Variants in ARHGAP10 observed in about 807,000 individuals in gnomAD.
ARHGAP10 encodes rho GTPase-activating protein 10.
Under a neutral mutation model 108.6 loss-of-function variants are expected in ARHGAP10, and 87 were observed. The ratio of observed to expected loss-of-function variants is 0.80; its 90% CI spans 0.67 to 0.96. The LOEUF is 0.96. ARHGAP10 is among the 40% of genes least tolerant of loss of function. The pLI, the probability that ARHGAP10 is intolerant of heterozygous loss-of-function variation, is 0.00. For missense variants in ARHGAP10, 939 were observed against 954.5 expected, an observed-to-expected ratio of 0.98 and a Z score of 0.21; for synonymous variants, 347 against 341.1, an observed-to-expected ratio of 1.02 and a Z score of -0.19.
At chr4:147,784,664 T>TTATAA (rs1237197091) in intron 1 of ARHGAP10, among the ~76,000 whole-genome samples, 30 of 752 alleles carry the variant, frequency 0.04, no homozygotes, top group African/African-American at 0.043. Context: ...TTATAAAATA[T>TTATAA]ATATTATATA....
At chr4:147,745,787 G>A (rs557701185) in intron 1 of ARHGAP10, among the ~76,000 whole-genome samples, 38 of 91,214 alleles carry the variant, frequency 4.2e-4, no homozygotes, top group Non-Finnish European at 8.2e-4. Context: ...CACTGTGCCC[G>A]GCCTTTTTTT....
chr4:147,851,172 G>A lies in ARHGAP10; in HGVS notation c.384+3950G>A, dbSNP rs567723970. 2.2e-4 allele frequency among the ~76,000 whole-genome samples: 33 copies of A among 152,108 alleles called. 1 individual carries two copies. The South Asian group carries it at 6.9e-3, about 32-fold the overall frequency. On this transcript the variant is annotated intron_variant, in intron 4 of 22. Coordinates refer to ENST00000336498, the MANE Select transcript of ARHGAP10 (RefSeq NM_024605.4). ...ATTTTAGGCAGAAAACTTAATAGAT[G>A]TTCATTTCACAAATTATGACTTATC...
At chr4:147,998,628 G>A (rs1361941255) in intron 18 of ARHGAP10, among the ~76,000 whole-genome samples, 1 of 152,212 alleles carries the variant, frequency 6.6e-6, no homozygotes, top group Admixed American at 6.5e-5. Flanking sequence ...AGTTTAGGTC[G>A]TTTTCATCCC....
At chr4:147,882,475 A>AAT (rs1735365288) in intron 10 of ARHGAP10, among the ~76,000 whole-genome samples, 1 of 151,024 alleles carries the variant, frequency 6.6e-6, no homozygotes, top group Non-Finnish European at 1.5e-5. Flanking sequence ...AAAAAAAAAA[A>AAT]ATTGCCTTGG....
intron 20 of ARHGAP10, 96 bp downstream of exon 20, chr4:148,047,147 C>A: frequency 7.0e-7 from 1 of 1,435,846 alleles, no homozygotes; most frequent in Admixed American, 2.2e-5. Context: ...GGTGCTGAAG[C>A]CATTAGATCT....
intron 1 of ARHGAP10, among the ~76,000 whole-genome samples, chr4:147,766,327 C>A (rs960409033): frequency 4.6e-5 from 7 of 151,244 alleles, no homozygotes; most frequent in African/African-American, 1.7e-4. Context: ...TATAACCCAC[C>A]CATGTCCTCC....
chr4:147,918,858 T>C (rs1737104555), intron 13 of ARHGAP10, among the ~76,000 whole-genome samples: 1 of 152,254 alleles, frequency 6.6e-6, no homozygotes, highest in Non-Finnish European at 1.5e-5. Flanking sequence ...GGACACACGT[T>C]GTGCCTGGCA....
intron 19 of ARHGAP10, among the ~76,000 whole-genome samples, chr4:148,024,440 C>G (rs1217899505): frequency 6.6e-6 from 1 of 152,122 alleles, no homozygotes; most frequent in African/African-American, 2.4e-5. Flanking sequence ...CATGCACACA[C>G]CAGGTGGTTA....
At chr4:147,841,968 T>C (rs1733432756) in intron 3 of ARHGAP10, among the ~76,000 whole-genome samples, 1 of 152,208 alleles carries the variant, frequency 6.6e-6, no homozygotes, top group Non-Finnish European at 1.5e-5. Flanking sequence ...AGTCTTGCTC[T>C]GTCACCCATG....
chr4:147,923,630 A>C (rs1737336804), intron 13 of ARHGAP10, among the ~76,000 whole-genome samples: 9 of 152,240 alleles, frequency 5.9e-5, no homozygotes, highest in Admixed American at 5.9e-4. Flanking sequence ...CATGGGATAG[A>C]AGTAGGAAGC....
At chr4:148,037,016 G>A (rs1728406754) in intron 19 of ARHGAP10, among the ~76,000 whole-genome samples, 1 of 152,188 alleles carries the variant, frequency 6.6e-6, no homozygotes. Flanking sequence ...CCAGCTAGGT[G>A]AGATAGGTGG....
rs1339613283 is a variant in ARHGAP10, at chr4:148,034,245, A to T, written c.1867+10832A>T. On this transcript the variant is annotated intron_variant, in intron 19 of 22. Transcript: ENST00000336498. ...TATGCTTTCAAATAAAATGTAATTT[A>T]GTCTTTTATTTCTGGTTATTTTTGT... is the stretch of plus-strand genomic sequence containing the variant. Among the ~76,000 whole-genome samples, 5 of 152,344 alleles carry T rather than the reference A, an allele frequency of 3.3e-5. No homozygotes were observed. In the East Asian group the frequency reaches 9.6e-4, roughly 29 times the overall value.
intron 1 of ARHGAP10, among the ~76,000 whole-genome samples, chr4:147,748,031 A>G (rs187918892): frequency 1.1e-3 from 163 of 152,318 alleles, no homozygotes; most frequent in African/African-American, 3.7e-3. Flanking sequence ...CAGCTCCCCT[A>G]CAATGAAGAA....
chr4:148,015,741 C>A (rs1294646651), intron 18 of ARHGAP10, among the ~76,000 whole-genome samples: 1 of 152,186 alleles, frequency 6.6e-6, no homozygotes, highest in East Asian at 1.9e-4. Flanking sequence ...CCAAGGTGAT[C>A]AGGGTTTGCT....
chr4:147,953,356 T>C (rs1738679045), intron 15 of ARHGAP10, among the ~76,000 whole-genome samples: 1 of 151,990 alleles, frequency 6.6e-6, no homozygotes, highest in Admixed American at 6.6e-5. Flanking sequence ...TTTTCTTTCT[T>C]AATTGTTTGG....
chr4:147,939,913 C>T lies in ARHGAP10; in HGVS notation c.1303+14C>T, dbSNP rs768044538. The T allele has an allele frequency of 6.2e-7, 1 of 1,605,238 alleles. No homozygotes were observed. The highest frequency in any genetic ancestry group is 8.5e-7 in the Non-Finnish European group (1 of 1,173,070). On this transcript the variant is annotated intron_variant, in intron 14 of 22. Coordinates refer to ENST00000336498, the MANE Select transcript of ARHGAP10 (RefSeq NM_024605.4). ...GTATGTTGATGGGTATGCCTCTTTT[C>T]TAATCATTTTTCCATGTGTTATTTG...
intron 13 of ARHGAP10, among the ~76,000 whole-genome samples, chr4:147,933,946 G>C (rs555781585): frequency 5.8e-4 from 88 of 152,288 alleles, no homozygotes; most frequent in African/African-American, 2.1e-3. Context: ...CTTAGGATCT[G>C]TTGTGGGGCA....
chr4:148,022,751 A>G (rs1279756596), intron 18 of ARHGAP10, among the ~76,000 whole-genome samples: 1 of 152,264 alleles, frequency 6.6e-6, no homozygotes, highest in Non-Finnish European at 1.5e-5. Flanking sequence ...AAAACATTTT[A>G]TGAAAAATGT....
intron 13 of ARHGAP10, among the ~76,000 whole-genome samples, chr4:147,914,563 C>T (rs1736884051): frequency 8.9e-6 from 1 of 112,012 alleles, no homozygotes; most frequent in Non-Finnish European, 1.8e-5. Context: ...CGCTCCCCCC[C>T]CCCCCTTTTT....
Sources: allele counts gnomAD v4.1 joint callset (sites outside exome capture counted in the v4.1 genomes callset), GRCh38; gene constraint gnomAD v4.1.1; transcripts MANE v1.5; gene names NCBI Gene and HGNC (gene_info 2026-07-23, HGNC 2026-07-21).